The following PPP1R9A variants were observed in gnomAD, a reference collection of about 807,000 sequenced individuals.
PPP1R9A encodes the protein neurabin-1.
Under a neutral mutation model 141.9 loss-of-function variants are expected in PPP1R9A, and 59 were observed. The observed-to-expected ratio is 0.42, with a 90% CI of 0.34 to 0.52. The LOEUF (loss-of-function observed/expected upper bound fraction) is 0.52. PPP1R9A is among the 20% of genes least tolerant of loss of function. PPP1R9A has a pLI of 0.10. For missense variants in PPP1R9A, 1,444 were observed against 1,611.9 expected, an observed-to-expected ratio of 0.90 and a Z score of 1.78; for synonymous variants, 500 against 569.7, an observed-to-expected ratio of 0.88 and a Z score of 1.74.
intron 4 of PPP1R9A, among the ~76,000 whole-genome samples, chr7:95,157,354 A>C (rs4729176): frequency 0.33 from 49,414 of 151,920 alleles, 11,421 homozygotes; most frequent in African/African-American, 0.62. Flanking sequence ...CCCAAAAGTA[A>C]AGGGAAGCTC....
intron 2 of PPP1R9A, among the ~76,000 whole-genome samples, chr7:94,914,061 A>C (rs1791768847): frequency 6.6e-6 from 1 of 152,194 alleles, no homozygotes; most frequent in Non-Finnish European, 1.5e-5. Context: ...TCTTTTCATA[A>C]AACTTTATTT....
chr7:94,946,080 G>A (rs925344626), intron 2 of PPP1R9A, among the ~76,000 whole-genome samples: 2 of 152,070 alleles, frequency 1.3e-5, no homozygotes, highest in Non-Finnish European at 2.9e-5. Flanking sequence ...AAAACACTAT[G>A]GACAGATGAA....
At chr7:95,224,231 GGA>G (rs1417971015) in intron 7 of PPP1R9A, among the ~76,000 whole-genome samples, 3 of 152,058 alleles carry the variant, frequency 2.0e-5, no homozygotes, top group African/African-American at 7.2e-5. Flanking sequence ...GGATCCAACT[GGA>G]GGCCACCAAC....
intron 2 of PPP1R9A, among the ~76,000 whole-genome samples, chr7:95,065,759 C>G (rs1442314717): frequency 6.6e-6 from 1 of 152,138 alleles, no homozygotes; most frequent in Non-Finnish European, 1.5e-5. Context: ...ATAGTGATAT[C>G]ACTCCCACAG....
chr7:95,099,535 G>T (rs576404512), intron 2 of PPP1R9A, among the ~76,000 whole-genome samples: 1 of 152,136 alleles, frequency 6.6e-6, no homozygotes, highest in East Asian at 1.9e-4. Context: ...TAAAAAACTC[G>T]CTAATTTAGG....
chr7:94,968,457 C>T (rs1487420217), intron 2 of PPP1R9A, among the ~76,000 whole-genome samples: 2 of 152,168 alleles, frequency 1.3e-5, no homozygotes, highest in Non-Finnish European at 1.5e-5. Flanking sequence ...CAGGCGTGAG[C>T]GTCTCTTTTG....
chr7:95,020,109 C>A (rs1805711538), intron 2 of PPP1R9A, among the ~76,000 whole-genome samples: 1 of 151,848 alleles, frequency 6.6e-6, no homozygotes, highest in Non-Finnish European at 1.5e-5. Flanking sequence ...AGAAGCCAGA[C>A]CAATAGAGAA....
chr7:95,194,605 A>T (rs1455057688), intron 5 of PPP1R9A, among the ~76,000 whole-genome samples: 1 of 152,048 alleles, frequency 6.6e-6, no homozygotes, highest in African/African-American at 2.4e-5. Flanking sequence ...TTAATAAATG[A>T]CTTTAGCAAG....
chr7:95,096,512 A>G, intron 2 of PPP1R9A, among the ~76,000 whole-genome samples: 1 of 152,108 alleles, frequency 6.6e-6, no homozygotes, highest in East Asian at 1.9e-4. Flanking sequence ...AGTCCTCCAA[A>G]AGGACTGAAG....
chr7:95,037,603 C>T (rs1052592966), intron 2 of PPP1R9A, among the ~76,000 whole-genome samples: 2 of 152,140 alleles, frequency 1.3e-5, no homozygotes, highest in East Asian at 3.8e-4. Context: ...CCTTAAGTTG[C>T]TCTCTATCAT....
chr7:95,263,993 G>A (rs746493216), intron 12 of PPP1R9A, among the ~76,000 whole-genome samples: 1 of 152,102 alleles, frequency 6.6e-6, no homozygotes, highest in African/African-American at 2.4e-5. Flanking sequence ...TGAGGATCCT[G>A]AGGGACAGAG....
At chr7:95,189,786 G>T (rs574842073) in intron 5 of PPP1R9A, among the ~76,000 whole-genome samples, 1 of 152,104 alleles carries the variant, frequency 6.6e-6, no homozygotes, top group Non-Finnish European at 1.5e-5. Context: ...TTGGGTTAAA[G>T]ACCTTGACTT....
chr7:95,245,867 A>G (rs1798049736), intron 8 of PPP1R9A, among the ~76,000 whole-genome samples: 1 of 152,190 alleles, frequency 6.6e-6, no homozygotes, highest in African/African-American at 2.4e-5. Flanking sequence ...AGAAGCCCCT[A>G]GGAGCCGGTG....
At chr7:95,081,697 G>T (rs1015416320) in intron 2 of PPP1R9A, among the ~76,000 whole-genome samples, 3 of 152,154 alleles carry the variant, frequency 2.0e-5, no homozygotes, top group African/African-American at 7.2e-5. Flanking sequence ...GTGGGATAAG[G>T]CACTCTGGAA....
chr7:94,950,511 C>A (rs539821523), intron 2 of PPP1R9A, among the ~76,000 whole-genome samples: 3 of 151,952 alleles, frequency 2.0e-5, no homozygotes, highest in Non-Finnish European at 2.9e-5. Context: ...TGCAATTGCT[C>A]ATAAAACATT....
intron 12 of PPP1R9A, among the ~76,000 whole-genome samples, chr7:95,260,722 C>T (rs2153030837): frequency 1.3e-5 from 2 of 149,900 alleles, no homozygotes; most frequent in Middle Eastern, 7.1e-3. Flanking sequence ...CACAATGTTA[C>T]TTTGTCAGAA....
chr7:95,226,184 A>C (rs1795123000), intron 8 of PPP1R9A, 68 bp downstream of exon 8: 2 of 1,432,746 alleles, frequency 1.4e-6, no homozygotes, highest in Admixed American at 2.0e-5. Flanking sequence ...TTTCTGTTCA[A>C]ATAATATATT....
intron 3 of PPP1R9A, among the ~76,000 whole-genome samples, chr7:95,116,036 T>C (rs1045474639): frequency 3.3e-5 from 5 of 152,140 alleles, no homozygotes; most frequent in Non-Finnish European, 7.4e-5. Context: ...GAAAAGCCCT[T>C]AAATTTTTTA....
At chr7:95,277,153 A>G (rs1803357840) in intron 16 of PPP1R9A, among the ~76,000 whole-genome samples, 1 of 152,204 alleles carries the variant, frequency 6.6e-6, no homozygotes, top group Non-Finnish European at 1.5e-5. Context: ...TTAGGCTAAG[A>G]TTCTGATAAG....
Sources: allele counts gnomAD v4.1 joint callset (sites outside exome capture counted in the v4.1 genomes callset), GRCh38; gene constraint gnomAD v4.1.1; transcripts MANE v1.5; gene names NCBI Gene and HGNC (gene_info 2026-07-23, HGNC 2026-07-21).